NOX4: variants seen among roughly 807,000 people sequenced by gnomAD.
NOX4 encodes the protein kidney oxidase-1.
A neutral mutation model predicts 87.6 loss-of-function variants in NOX4; 69 were observed. That is an observed-to-expected ratio of 0.79 (90% CI 0.65 to 0.96). The LOEUF is 0.96. Ranked by LOEUF, NOX4 falls within the 40% of genes least tolerant of loss-of-function variation. NOX4 has a pLI of 0.00. For missense variants in NOX4, 680 were observed against 681.5 expected (o/e 1.00, Z 0.02); for synonymous variants, 275 against 238.2 (o/e 1.15, Z -1.42).
the NOX4 span, chr11:89,577,250 T>C: frequency 4.1e-4 from 63 of 152,280 alleles, 1 homozygote; most frequent in African/African-American, 1.5e-3. Context: ...TTCTGTAGTT[T>C]TGATAATCTA....
At chr11:89,509,437 AC>A in the NOX4 span, among the ~76,000 whole-genome samples, 1 of 152,038 alleles carries the variant, frequency 6.6e-6, no homozygotes, top group Admixed American at 6.6e-5. Flanking sequence ...GTCTGAAATT[AC>A]AAAGAAGACA....
intron 11 of NOX4, among the ~76,000 whole-genome samples, chr11:89,391,617 G>A (rs574795413): frequency 6.6e-5 from 10 of 151,600 alleles, no homozygotes; most frequent in Non-Finnish European, 1.3e-4. Flanking sequence ...AGTTTAGCCA[G>A]GCATGGTGCC....
intron 16 of NOX4, 118 bp downstream of exon 16, chr11:89,337,329 G>A (rs1393347): frequency 0.075 from 108,655 of 1,455,396 alleles, 4,703 homozygotes; most frequent in Admixed American, 0.16. Flanking sequence ...TCCAAAGGAG[G>A]CTTTCCTCTA....
intron 1 of NOX4, chr11:89,490,957 T>C (rs939689989): frequency 4.6e-5 from 30 of 658,102 alleles, no homozygotes; most frequent in Non-Finnish European, 7.7e-5. Context: ...TCCCTCTTCC[T>C]CCACATCTCT....
intron 7 of NOX4, among the ~76,000 whole-genome samples, chr11:89,428,544 A>C (rs1287821651): frequency 6.6e-6 from 1 of 152,010 alleles, no homozygotes; most frequent in Non-Finnish European, 1.5e-5. Flanking sequence ...TGGAAAACAA[A>C]AAAAGGCAGG....
At chr11:89,535,671 T>C in the NOX4 span, among the ~76,000 whole-genome samples, 21 of 152,158 alleles carry the variant, frequency 1.4e-4, no homozygotes, top group African/African-American at 5.1e-4. Flanking sequence ...CACTGTGCTC[T>C]GGGATACAGA....
intron 16 of NOX4, among the ~76,000 whole-genome samples, chr11:89,337,023 A>G (rs1945742954): frequency 6.6e-6 from 1 of 152,098 alleles, no homozygotes; most frequent in Admixed American, 6.6e-5. Flanking sequence ...ATGTGAAATT[A>G]TTAGCATAGT....
rs558428379 is a variant in NOX4, at chr11:89,476,467, A to C, written c.153+13991T>G. Among the ~76,000 whole-genome samples the C allele has an allele frequency of 1.3e-4, 20 of 152,250 alleles. 1 individual carries two copies. The highest frequency in any genetic ancestry group is 3.9e-4 in the Admixed American group (6 of 15,286). On this transcript the variant is annotated intron_variant, in intron 2 of 17. Coordinates refer to ENST00000263317, the MANE Select transcript of NOX4 (RefSeq NM_016931.5). Reference sequence around the variant, plus strand: ...ACTAGTTATTAAAATCAAATATATTAATATTTGTAAACTCATTCCACATGG... The same window carrying C: ...ACTAGTTATTAAAATCAAATATATTCATATTTGTAAACTCATTCCACATGG...
At position 89,382,286 on chromosome 11, in the gene NOX4, T is replaced by C. The variant is rs556544813; in HGVS notation, c.1075-8794A>G. Among the ~76,000 whole-genome samples, 6 of 152,232 alleles carry C rather than the reference T, an allele frequency of 3.9e-5. No individual in the cohort carries two copies. In the South Asian group the frequency reaches 1.2e-3, roughly 32 times the overall value. On this transcript the variant is annotated intron_variant, in intron 11 of 17. Transcript: ENST00000263317. ...GCCTGTGTTCCAAGAACTTAAAGCCTCTTCAACTCACACCTGACCTAAAAC... is the reference window on the plus strand; with the variant it reads ...GCCTGTGTTCCAAGAACTTAAAGCCCCTTCAACTCACACCTGACCTAAAAC...
intron 12 of NOX4, among the ~76,000 whole-genome samples, chr11:89,363,291 T>A (rs1286036110): frequency 1.3e-5 from 2 of 152,096 alleles, no homozygotes; most frequent in East Asian, 1.9e-4. Flanking sequence ...ATATCAATAA[T>A]CTATAATGAT....
intron 2 of NOX4, among the ~76,000 whole-genome samples, chr11:89,452,957 T>C (rs544106584): frequency 3.3e-5 from 5 of 152,068 alleles, no homozygotes; most frequent in Admixed American, 3.3e-4. Context: ...CACAGGAGAA[T>C]TGCTTGAACC....
chr11:89,360,804 C>T (rs1938463932), intron 12 of NOX4, among the ~76,000 whole-genome samples: 1 of 151,998 alleles, frequency 6.6e-6, no homozygotes, highest in Admixed American at 6.6e-5. Context: ...CTTGAGCAGA[C>T]ATTTCTCAAA....
intron 16 of NOX4, 89 bp downstream of exon 16, chr11:89,337,358 C>T: frequency 6.3e-7 from 1 of 1,580,706 alleles, no homozygotes; most frequent in Non-Finnish European, 8.6e-7. Flanking sequence ...CTGTTCGAAC[C>T]ACCTGCAGGA....
the NOX4 span, among the ~76,000 whole-genome samples, chr11:89,544,132 G>A: frequency 2.0e-4 from 30 of 152,182 alleles, no homozygotes; most frequent in Non-Finnish European, 4.0e-4. Context: ...CATGGGCAAT[G>A]ATTTGGTCTG....
At chr11:89,443,902 C>T (rs1944566956) in intron 5 of NOX4, 2 of 454,974 alleles carry the variant, frequency 4.4e-6, no homozygotes, top group Admixed American at 3.5e-5. Flanking sequence ...ACCATCTGAA[C>T]ATTGCAATAT....
At chr11:89,519,249 T>C in the NOX4 span, among the ~76,000 whole-genome samples, 5 of 152,178 alleles carry the variant, frequency 3.3e-5, no homozygotes, top group Admixed American at 2.0e-4. Context: ...GGGAAAGTTG[T>C]TCATGTAGAA....
At chr11:89,438,545 TA>T (rs1565292509) in intron 6 of NOX4, among the ~76,000 whole-genome samples, 5 of 90,566 alleles carry the variant, frequency 5.5e-5, no homozygotes, top group African/African-American at 2.5e-4. Flanking sequence ...ACACTATATA[TA>T]ATAATATACT....
intron 4 of NOX4, among the ~76,000 whole-genome samples, chr11:89,449,169 A>G (rs1162234862): frequency 6.6e-6 from 1 of 152,200 alleles, no homozygotes; most frequent in Non-Finnish European, 1.5e-5. Flanking sequence ...CTGACAGCAG[A>G]TAATGTACAG....
chr11:89,533,049 A>C, the NOX4 span, among the ~76,000 whole-genome samples: 1 of 152,198 alleles, frequency 6.6e-6, no homozygotes, highest in Non-Finnish European at 1.5e-5. Context: ...TCTTCATAGC[A>C]ATGTGAAAAT....
Sources: allele counts gnomAD v4.1 joint callset (sites outside exome capture counted in the v4.1 genomes callset), GRCh38; gene constraint gnomAD v4.1.1; transcripts MANE v1.5; gene names NCBI Gene and HGNC (gene_info 2026-07-23, HGNC 2026-07-21).